SLC1A2: variants seen among roughly 807,000 people sequenced by gnomAD.
SLC1A2 encodes excitatory amino acid transporter 2.
Under a neutral mutation model 48.8 loss-of-function variants are expected in SLC1A2, and 15 were observed. That is an observed-to-expected ratio of 0.31 (90% CI 0.21 to 0.47). The LOEUF (loss-of-function observed/expected upper bound fraction) is 0.47. SLC1A2 is among the 20% of genes least tolerant of loss of function. The probability of loss-of-function intolerance (pLI) is 0.99; values close to 1 mark genes in which losing one functional copy is unlikely to be tolerated. For missense variants in SLC1A2, 502 were observed against 730.5 expected (o/e 0.69, Z 3.61); for synonymous variants, 279 against 272.6 (o/e 1.02, Z -0.23).
rs565544406 is a variant in SLC1A2, at chr11:35,254,201, A to G, written c.*6693T>C. 3.3e-5 allele frequency: 5 copies of G among 152,810 alleles called. No individual in the cohort carries two copies. The highest frequency in any genetic ancestry group is 4.1e-4 in the South Asian group (2 of 4,834). 9.5% of individuals were successfully genotyped at this position (152,810 alleles called of 1,614,324 possible). A position where few individuals can be genotyped will look rare whatever the true frequency, so the allele number is the denominator to read the frequency against. ...GCTGTAGAAAACAAATAGAAAAACA[A>G]TATACAAAATCCTCAAAAAAGTAGT... On this transcript the variant is annotated 3_prime_UTR_variant, in exon 11 of 11. Coordinates refer to ENST00000278379, the MANE Select transcript of SLC1A2 (RefSeq NM_004171.4).
intron 1 of SLC1A2, among the ~76,000 whole-genome samples, chr11:35,376,765 A>C (rs1854246481): frequency 6.6e-6 from 1 of 152,222 alleles, no homozygotes; most frequent in Non-Finnish European, 1.5e-5. Context: ...CTGCTTCAGA[A>C]AAAAAAGCAA....
intron 1 of SLC1A2, chr11:35,380,518 A>T (rs565735712): frequency 4.9e-4 from 197 of 398,242 alleles, no homozygotes; most frequent in Non-Finnish European, 6.7e-4. Context: ...CTCTCGATAC[A>T]TCTTAGTTCA....
upstream of SLC1A2, chr11:35,419,767 G>T (rs774760316): frequency 3.6e-6 from 1 of 278,710 alleles, no homozygotes. The surrounding 1 kb of genome is among the most constrained non-coding windows in gnomAD (Gnocchi z 5.4). Context: ...TGAAGCCCGC[G>T]TGGCCCCAGG....
chr11:35,284,110 T>TATATATAA lies in SLC1A2; in HGVS notation c.1286+2646_1286+2647insTTATATAT, dbSNP rs539270363. On this transcript the variant is annotated intron_variant, in intron 8 of 10. Transcript: ENST00000278379. ...TATTATATATATATATATATATATATAAATTATTATTTTGCAACCCAACAG... is the reference window on the plus strand; with the variant it reads ...TATTATATATATATATATATATATATATATATAAAAATTATTATTTTGCAACCCAACAG... Among the ~76,000 whole-genome samples, 37 of 141,184 alleles carry TATATATAA rather than the reference T, an allele frequency of 2.6e-4. 1 individual carries two copies. The highest frequency in any genetic ancestry group is 9.6e-4 in the African/African-American group (35 of 36,316). 92.6% of individuals were successfully genotyped at this position (141,184 alleles called of 152,430 possible).
intron 1 of SLC1A2, among the ~76,000 whole-genome samples, chr11:35,358,939 A>G (rs1313362059): frequency 6.6e-6 from 1 of 152,230 alleles, no homozygotes; most frequent in East Asian, 1.9e-4. Context: ...AGAGAATAAC[A>G]TGGGACCAAA....
At chr11:35,279,568 G>A (rs539038901) in intron 9 of SLC1A2, among the ~76,000 whole-genome samples, 8 of 152,186 alleles carry the variant, frequency 5.3e-5, no homozygotes, top group Middle Eastern at 3.4e-3. Context: ...CTGTCTCCCC[G>A]TCTCCCTACA....
chr11:35,380,999 G>A (rs1854403862), intron 1 of SLC1A2, among the ~76,000 whole-genome samples: 1 of 152,210 alleles, frequency 6.6e-6, no homozygotes, highest in African/African-American at 2.4e-5. Context: ...AAAACTCCTT[G>A]ACAAACTAAG....
At chr11:35,385,035 T>TA (rs1315411589) in intron 1 of SLC1A2, among the ~76,000 whole-genome samples, 1 of 152,212 alleles carries the variant, frequency 6.6e-6, no homozygotes, top group Non-Finnish European at 1.5e-5. Flanking sequence ...AAAGAAGTGA[T>TA]AAAAATGTAT....
At chr11:35,307,917 A>G (rs887224262) in intron 4 of SLC1A2, among the ~76,000 whole-genome samples, 1 of 152,106 alleles carries the variant, frequency 6.6e-6, no homozygotes, top group Non-Finnish European at 1.5e-5. Flanking sequence ...CTGCTGTGTG[A>G]GGGGAGAACA....
intron 1 of SLC1A2, among the ~76,000 whole-genome samples, chr11:35,392,647 T>C (rs1309242419): frequency 3.3e-5 from 5 of 151,948 alleles, no homozygotes; most frequent in African/African-American, 1.2e-4. Context: ...ACTCCCGGGG[T>C]TCCCACACTC....
intron 1 of SLC1A2, among the ~76,000 whole-genome samples, chr11:35,405,762 G>C (rs1412074765): frequency 6.6e-6 from 1 of 152,130 alleles, no homozygotes; most frequent in Non-Finnish European, 1.5e-5. Flanking sequence ...GATTATTCTT[G>C]TAACCTCCTT....
At position 35,259,950 on chromosome 11, in the gene SLC1A2, G is replaced by A. The variant is rs1950369075; in HGVS notation, c.*944C>T. The A allele has an allele frequency of 6.6e-6, 1 of 152,168 alleles. No individual in the cohort carries two copies. Among genetic ancestry groups the A allele is most frequent in the Admixed American group, 6.5e-5 (1 of 15,274 alleles). 9.4% of individuals were successfully genotyped at this position (152,168 alleles called of 1,614,324 possible). A position where few individuals can be genotyped will look rare whatever the true frequency, so the allele number is the denominator to read the frequency against. ...GAGATGATGACTGAAATAATTGACAGATTAAAAATATCTTTTTCTTTAGGA... is the reference window on the plus strand; with the variant it reads ...GAGATGATGACTGAAATAATTGACAAATTAAAAATATCTTTTTCTTTAGGA... On this transcript the variant is annotated 3_prime_UTR_variant, in exon 11 of 11. Coordinates refer to ENST00000278379, the MANE Select transcript of SLC1A2 (RefSeq NM_004171.4).
chr11:35,301,137 C>T (rs1428204846), intron 6 of SLC1A2, among the ~76,000 whole-genome samples: 1 of 152,158 alleles, frequency 6.6e-6, no homozygotes, highest in Non-Finnish European at 1.5e-5. Context: ...TCAGACCCAA[C>T]CATACTGGCA....
chr11:35,262,165 G>T (rs1591398402), intron 10 of SLC1A2, among the ~76,000 whole-genome samples: 1 of 152,176 alleles, frequency 6.6e-6, no homozygotes, highest in East Asian at 1.9e-4. Context: ...AAGAAAGATT[G>T]CCAGGGACAG....
At chr11:35,371,389 T>G (rs532526894) in intron 1 of SLC1A2, among the ~76,000 whole-genome samples, 1 of 152,122 alleles carries the variant, frequency 6.6e-6, no homozygotes. Flanking sequence ...ACTCTTCATC[T>G]CCCTGCCACC....
chr11:35,293,807 A>C (rs1474067441), intron 6 of SLC1A2, among the ~76,000 whole-genome samples: 1 of 152,200 alleles, frequency 6.6e-6, no homozygotes, highest in Non-Finnish European at 1.5e-5. Flanking sequence ...AAAAATGTGA[A>C]GAGTAGATGA....
At position 35,260,846 on chromosome 11, in the gene SLC1A2, T is replaced by A; in HGVS notation, c.*48A>T. On this transcript the variant is annotated 3_prime_UTR_variant, in exon 11 of 11. Coordinates refer to ENST00000278379, the MANE Select transcript of SLC1A2 (RefSeq NM_004171.4). ...AGCTTGTTTATATCATCAGTTACCATAGGATACGCTGGGGAGTTTATTCAA... is the reference window on the plus strand; with the variant it reads ...AGCTTGTTTATATCATCAGTTACCAAAGGATACGCTGGGGAGTTTATTCAA... 8.0e-7 allele frequency: 1 copy of A among 1,255,978 alleles called. No homozygotes were observed. The highest frequency in any genetic ancestry group is 1.7e-5 in the Admixed American group (1 of 59,416). The allele number at this position is 1,255,978 out of a possible 1,614,324, so 77.8% of individuals were successfully genotyped here.
chr11:35,399,019 G>A (rs140943877), intron 1 of SLC1A2, among the ~76,000 whole-genome samples: 3 of 152,306 alleles, frequency 2.0e-5, no homozygotes, highest in African/African-American at 7.2e-5. Context: ...GCTGCCTATG[G>A]CTGGGTCATT....
intron 1 of SLC1A2, among the ~76,000 whole-genome samples, chr11:35,406,003 A>C (rs1855282082): frequency 1.3e-5 from 2 of 152,272 alleles, no homozygotes; most frequent in Non-Finnish European, 2.9e-5. Context: ...ATTCATCGTG[A>C]TAATGATAAT....
Sources: allele counts gnomAD v4.1 joint callset (sites outside exome capture counted in the v4.1 genomes callset), GRCh38; gene constraint gnomAD v4.1.1; non-coding constraint Gnocchi (gnomAD v3.1); transcripts MANE v1.5; gene names NCBI Gene and HGNC (gene_info 2026-07-23, HGNC 2026-07-21).